PCDHGB1: variants seen among roughly 807,000 people sequenced by gnomAD.
The protein encoded by PCDHGB1 is protocadherin gamma-B1.
Under a neutral mutation model 56.6 loss-of-function variants are expected in PCDHGB1, and 34 were observed. The ratio of observed to expected loss-of-function variants is 0.60; its 90% CI spans 0.46 to 0.80. The LOEUF is 0.80. Ranked by LOEUF, PCDHGB1 falls within the 30% of genes least tolerant of loss-of-function variation. PCDHGB1 has a pLI of 0.00. For missense variants in PCDHGB1, 1,278 were observed against 1,204.6 expected (o/e 1.06, Z -0.90); for synonymous variants, 561 against 505.9 (o/e 1.11, Z -1.46).
At chr5:141,502,118 G>A (rs897244225) in intron 2 of PCDHGB1, among the ~76,000 whole-genome samples, 3 of 152,108 alleles carry the variant, frequency 2.0e-5, no homozygotes, top group African/African-American at 7.2e-5. Context: ...CCTCAGCCAG[G>A]CCCACAGAGC....
chr5:141,358,758 G>A (rs1369983986), intron 1 of PCDHGB1, among the ~76,000 whole-genome samples: 3 of 152,164 alleles, frequency 2.0e-5, no homozygotes, highest in Admixed American at 2.0e-4. Context: ...TTGTCATCAT[G>A]TGAGCCTCTT....
rs1177814811 is a variant in PCDHGB1 at position 141,511,841 on chromosome 5, CTGTTT to C, written c.*675_*679del. The C allele has an allele frequency of 3.2e-5, 5 of 156,826 alleles. No homozygotes were observed. Among genetic ancestry groups the C allele is most frequent in the African/African-American group, 4.8e-5 (2 of 41,458 alleles). The allele number at this position is 156,826 out of a possible 1,614,324, so 9.7% of individuals were successfully genotyped here. ...TCCCAACGCCCTGGGGACCAGTCTT[CTGTTT>C]TGTTTTTCATTGTTTGACGTTTCCA... On this transcript the variant is annotated 3_prime_UTR_variant, in exon 4 of 4. Coordinates refer to ENST00000523390, the MANE Select transcript of PCDHGB1 (RefSeq NM_018922.3).
At chr5:141,484,950 T>G in intron 1 of PCDHGB1, 1 of 561,950 alleles carries the variant, frequency 1.8e-6, no homozygotes, top group Non-Finnish European at 3.2e-6. Context: ...GCTCAGCCTA[T>G]TGGCTGAGCC....
At chr5:141,355,936 G>C in intron 1 of PCDHGB1, 1 of 1,613,826 alleles carries the variant, frequency 6.2e-7, no homozygotes, top group Non-Finnish European at 8.5e-7. Flanking sequence ...CACTCAGCCC[G>C]AGTACCACGT....
At chr5:141,504,991 G>A (rs896449285) in intron 2 of PCDHGB1, among the ~76,000 whole-genome samples, 44 of 152,034 alleles carry the variant, frequency 2.9e-4, no homozygotes, top group Admixed American at 2.6e-3. Context: ...GTGAAACCCC[G>A]TCTGTACTAA....
At position 141,388,323 on chromosome 5, in the gene PCDHGB1, C is replaced by T. The variant is rs534112048; in HGVS notation, c.2409+35654C>T. On this transcript the variant is annotated intron_variant, in intron 1 of 3. Coordinates refer to ENST00000523390, the MANE Select transcript of PCDHGB1 (RefSeq NM_018922.3). ...TGAGCTGCAAATAAGTGAGTCTGCA[C>T]AGCCTGGCACACGATTTATATTAGG... 54 of 1,613,894 alleles carry T rather than the reference C, an allele frequency of 3.3e-5. No individual in the cohort carries two copies. In the East Asian group the frequency reaches 1.2e-3, roughly 35 times the overall value.
In PCDHGB1 at chr5:141,432,171, T is replaced by C. The variant is rs114326665; in HGVS notation, c.2410-62636T>C. On this transcript the variant is annotated intron_variant, in intron 1 of 3. Coordinates refer to ENST00000523390, the MANE Select transcript of PCDHGB1 (RefSeq NM_018922.3). This position sits in a 1 kb window ranked among gnomAD's most constrained non-coding sequence, Gnocchi z 6.0. ...GAGAACAATCCCAGAGGAGTTTCCC[T>C]CGTCTCTGTGACCGCCCACGACCCC... The C allele has an allele frequency of 4.4e-5, 71 of 1,614,046 alleles. No individual in the cohort carries two copies. In the African/African-American group the frequency reaches 8.5e-4, roughly 19 times the overall value.
intron 1 of PCDHGB1, among the ~76,000 whole-genome samples, chr5:141,406,662 A>G (rs1357382326): frequency 6.6e-6 from 1 of 152,208 alleles, no homozygotes; most frequent in Non-Finnish European, 1.5e-5. Flanking sequence ...TTAATGTTAA[A>G]TTATGGAGAA....
Position 141,387,762 on chromosome 5 carries a change from G to T in PCDHGB1, c.2409+35093G>T, listed in dbSNP as rs545222926. The T allele has an allele frequency of 3.5e-6, 5 of 1,424,676 alleles. No homozygotes were observed. The East Asian group carries it at 9.9e-5, about 28-fold the overall frequency. The allele number at this position is 1,424,676 out of a possible 1,614,324, so 88.3% of individuals were successfully genotyped here. ...CACCGCTTCCTCCTCGGAAAAAGAA[G>T]AATTTTTTCTTGAACTGGAACTGCA... On this transcript the variant is annotated intron_variant, in intron 1 of 3. Transcript: ENST00000523390.
intron 1 of PCDHGB1, among the ~76,000 whole-genome samples, chr5:141,357,881 C>T (rs1014832669): frequency 1.3e-5 from 2 of 152,144 alleles, no homozygotes; most frequent in African/African-American, 2.4e-5. Flanking sequence ...CTCTGAGCCA[C>T]CTCATTTCCT....
chr5:141,384,248 C>T (rs1443335110), intron 1 of PCDHGB1: 2 of 1,613,866 alleles, frequency 1.2e-6, no homozygotes, highest in South Asian at 2.2e-5. Flanking sequence ...GATAACCCAC[C>T]CACCTTCCCC....
intron 1 of PCDHGB1, chr5:141,414,350 C>T (rs1450829111): frequency 1.9e-6 from 3 of 1,613,726 alleles, no homozygotes; most frequent in Admixed American, 1.7e-5. Flanking sequence ...TCCATTTTGG[C>T]GTATCTACCA....
chr5:141,431,731 T>G lies in PCDHGB1; in HGVS notation c.2410-63076T>G. 6.2e-7 allele frequency: 1 copy of G among 1,614,210 alleles called. No homozygotes were observed. The highest frequency in any genetic ancestry group is 8.5e-7 in the Non-Finnish European group (1 of 1,180,034). Reference sequence around the variant, plus strand: ...AGATGGAAGTGCAAGCAATGGATAATGCAGGATATTCTGCGCGAGCCAAAG... The same window carrying G: ...AGATGGAAGTGCAAGCAATGGATAAGGCAGGATATTCTGCGCGAGCCAAAG... On this transcript the variant is annotated intron_variant, in intron 1 of 3. Coordinates refer to ENST00000523390, the MANE Select transcript of PCDHGB1 (RefSeq NM_018922.3). The surrounding 1 kb of genome is among the most constrained non-coding windows in gnomAD (Gnocchi z 4.8).
At chr5:141,374,990 A>G in intron 1 of PCDHGB1, 3 of 1,614,046 alleles carry the variant, frequency 1.9e-6, no homozygotes, top group Non-Finnish European at 2.5e-6. Context: ...AGAAATTTCA[A>G]CTTCTGCAAA....
intron 1 of PCDHGB1, chr5:141,399,509 AC>A: frequency 6.2e-7 from 1 of 1,613,968 alleles, no homozygotes; most frequent in Non-Finnish European, 8.5e-7. Flanking sequence ...CCCGAAAACA[AC>A]CCTCCTGGGG....
chr5:141,364,693 A>G, intron 1 of PCDHGB1: 1 of 1,614,018 alleles, frequency 6.2e-7, no homozygotes, highest in South Asian at 1.1e-5. Context: ...GAGTAGAAGT[A>G]GAAATAATCG....
chr5:141,360,156 G>T (rs1761446039), intron 1 of PCDHGB1: 1 of 1,604,878 alleles, frequency 6.2e-7, no homozygotes, highest in Non-Finnish European at 8.5e-7. Context: ...GCTCAGGGAG[G>T]TGCGGGCTGG....
At chr5:141,433,044 A>T in intron 1 of PCDHGB1, 2 of 1,613,972 alleles carry the variant, frequency 1.2e-6, no homozygotes, top group Non-Finnish European at 8.5e-7. Flanking sequence ...CTCACCACGG[A>T]CTCGCGGAAG....
rs188283892 is a variant in PCDHGB1, at chr5:141,394,450, T to C, written c.2409+41781T>C. ...GGGGACCCGCCCCTCAGCAGCAACA[T>C]GTCACTGAGCCTGTTCGTGCTGGAC... On this transcript the variant is annotated intron_variant, in intron 1 of 3. Coordinates refer to ENST00000523390, the MANE Select transcript of PCDHGB1 (RefSeq NM_018922.3). 12 of 1,614,228 alleles carry C rather than the reference T, an allele frequency of 7.4e-6. No individual in the cohort carries two copies. In the South Asian group the frequency reaches 1.3e-4, roughly 18 times the overall value.
Sources: allele counts gnomAD v4.1 joint callset (sites outside exome capture counted in the v4.1 genomes callset), GRCh38; gene constraint gnomAD v4.1.1; non-coding constraint Gnocchi (gnomAD v3.1); transcripts MANE v1.5; gene names NCBI Gene and HGNC (gene_info 2026-07-23, HGNC 2026-07-21).